Variants in ZNF274 observed in about 807,000 individuals in gnomAD.
The protein encoded by ZNF274 is zinc finger protein 274.
In ZNF274, 23 loss-of-function variants were observed where a neutral mutation model predicts 42.5. The ratio of observed to expected loss-of-function variants is 0.54; its 90% CI spans 0.39 to 0.77. The LOEUF (loss-of-function observed/expected upper bound fraction) is 0.77, where lower values mean the gene tolerates loss of function less well. Ranked by LOEUF, ZNF274 falls within the 30% of genes least tolerant of loss-of-function variation. The probability of loss-of-function intolerance (pLI) is 0.00; values close to 1 mark genes in which losing one functional copy is unlikely to be tolerated. For synonymous variants in ZNF274, 292 were observed against 305.4 expected (o/e 0.96, Z 0.46); for missense variants, 679 against 806.5 (o/e 0.84, Z 1.91).
intron 4 of ZNF274, among the ~76,000 whole-genome samples, chr19:58,193,445 C>A (rs1600138993): frequency 2.1e-5 from 1 of 47,784 alleles, no homozygotes; most frequent in Admixed American, 3.1e-4. Flanking sequence ...CGCGCCTGGC[C>A]TTTTTTTTTT....
intron 4 of ZNF274, among the ~76,000 whole-genome samples, chr19:58,203,093 G>A (rs577095051): frequency 2.0e-5 from 3 of 152,120 alleles, no homozygotes; most frequent in African/African-American, 4.8e-5. Context: ...ATGAAGTAAC[G>A]TTTAAGATGT....
intron 4 of ZNF274, among the ~76,000 whole-genome samples, chr19:58,197,625 A>C (rs1340269798): frequency 6.6e-6 from 1 of 152,236 alleles, no homozygotes; most frequent in African/African-American, 2.4e-5. Context: ...AGATGTCTGA[A>C]GAAGTTGCAG....
intron 4 of ZNF274, among the ~76,000 whole-genome samples, chr19:58,194,308 C>T (rs1320052219): frequency 6.8e-6 from 1 of 147,544 alleles, no homozygotes; most frequent in Non-Finnish European, 1.5e-5. Flanking sequence ...AAGACCTAGA[C>T]TTTGCTGAGG....
At position 58,206,726 on chromosome 19, in the gene ZNF274, C is replaced by G. The variant is rs776959831; in HGVS notation, c.263C>G (p.Pro88Arg). ...CTCTGCTTTTGACTTACAGAGTATC[C>G]TGAGCTCCAGCTGGACCCTAAATTG... ...GIPQDTIPEY[P>R]ELQLDPKLDP... The change falls in exon 5 of 8, where the codon CCT (proline) becomes CGT (arginine). Residue 88 changes from proline to arginine, a missense_variant. Around this residue, in one of 2 missense-constraint regions of ZNF274, gnomAD observed 223 missense variants for 216.4 expected, o/e 1.03. Transcript: ENST00000617501. 1.1e-5 allele frequency: 18 copies of G among 1,575,368 alleles called. No individual in the cohort carries two copies.
intron 2 of ZNF274, 141 bp from the exon 3 acceptor site, chr19:58,185,571 A>G: frequency 1.2e-6 from 1 of 850,132 alleles, no homozygotes; most frequent in Non-Finnish European, 1.7e-6. Context: ...CAAAGACAGG[A>G]ACTCAGGATG....
intron 5 of ZNF274, 62 bp from the exon 6 acceptor site, chr19:58,209,899 C>T: frequency 7.8e-7 from 1 of 1,286,628 alleles, no homozygotes; most frequent in Non-Finnish European, 1.1e-6. Context: ...AGAGAGGCCA[C>T]CCTTGCCCTG....
At chr19:58,187,161 T>C (rs2075710148) in intron 4 of ZNF274, 119 bp downstream of exon 4, 2 of 816,966 alleles carry the variant, frequency 2.4e-6, no homozygotes, top group South Asian at 1.7e-5. Context: ...TGATGAGCAG[T>C]TGCAGAACCA....
intron 4 of ZNF274, among the ~76,000 whole-genome samples, chr19:58,187,575 C>G (rs1402431839): frequency 6.6e-6 from 1 of 151,938 alleles, no homozygotes; most frequent in Non-Finnish European, 1.5e-5. Context: ...GCATGTACCA[C>G]CATGCCCGTT....
Position 58,197,334 on chromosome 19 carries a change from C to T in ZNF274, c.257-9386C>T, listed in dbSNP as rs893461638. On this transcript the variant is annotated intron_variant, in intron 4 of 7. Transcript: ENST00000617501. ...TTAACTCTCACCTTATGTGACAGAA[C>T]GAAAAAAATATACACTGAAAAGAAC... Among the ~76,000 whole-genome samples the T allele has an allele frequency of 4.0e-5, 6 of 151,880 alleles. No individual in the cohort carries two copies. In the East Asian group the frequency reaches 7.7e-4, roughly 20 times the overall value.
At position 58,212,026 on chromosome 19, in the gene ZNF274, C is replaced by A; in HGVS notation, c.980-135C>A. On this transcript the variant is annotated intron_variant, in intron 7 of 7. Transcript: ENST00000617501. This position sits in a 1 kb window ranked among gnomAD's most constrained non-coding sequence, Gnocchi z 4.6. Reference sequence around the variant, plus strand: ...CTGCCGCTTCATTGCTTTTCAGTCTCTCTCCAGGTTGCATGACTCTATTTG... The same window carrying A: ...CTGCCGCTTCATTGCTTTTCAGTCTATCTCCAGGTTGCATGACTCTATTTG... The A allele has an allele frequency of 9.3e-7, 1 of 1,075,552 alleles. No individual in the cohort carries two copies. Among genetic ancestry groups the A allele is most frequent in the South Asian group, 1.6e-5 (1 of 61,364 alleles). The allele number at this position is 1,075,552 out of a possible 1,614,324, so 66.6% of individuals were successfully genotyped here.
At chr19:58,185,233 G>A (rs1253587952) in intron 2 of ZNF274, among the ~76,000 whole-genome samples, 1 of 150,198 alleles carries the variant, frequency 6.7e-6, no homozygotes, top group Non-Finnish European at 1.5e-5. Flanking sequence ...AGACCAGCTT[G>A]ACCAACATGG....
chr19:58,209,816 GA>G, intron 5 of ZNF274, 144 bp from the exon 6 acceptor site: 1 of 589,262 alleles, frequency 1.7e-6, no homozygotes, highest in Admixed American at 2.9e-5. Context: ...GAGCTGGTGG[GA>G]AGGGAGGACA....
At position 58,206,710 on chromosome 19, in the gene ZNF274, T is replaced by C. The variant is rs1486490765; in HGVS notation, c.257-10T>C. On this transcript the variant is annotated splice_polypyrimidine_tract_variant and intron_variant, in intron 4 of 7. Transcript: ENST00000617501. Reference sequence around the variant, plus strand: ...GTTCTCATTTGTCTTGCTCTGCTTTTGACTTACAGAGTATCCTGAGCTCCA... The same window carrying C: ...GTTCTCATTTGTCTTGCTCTGCTTTCGACTTACAGAGTATCCTGAGCTCCA... The C allele has an allele frequency of 1.3e-6, 2 of 1,552,432 alleles. No homozygotes were observed. The highest frequency in any genetic ancestry group is 4.0e-5 in the Admixed American group (2 of 50,080).
chr19:58,201,514 CTT>C (rs11418348), intron 4 of ZNF274, among the ~76,000 whole-genome samples: 38 of 143,852 alleles, frequency 2.6e-4, no homozygotes, highest in Non-Finnish European at 2.6e-4. Context: ...GCATGAATTT[CTT>C]TTTTTTTTTT....
chr19:58,190,459 G>T (rs2075766912), intron 4 of ZNF274, among the ~76,000 whole-genome samples: 1 of 152,154 alleles, frequency 6.6e-6, no homozygotes, highest in African/African-American at 2.4e-5. Flanking sequence ...GTTTTGATGA[G>T]CTTAATGCTA....
At chr19:58,198,467 T>TAG (rs2075869554) in intron 4 of ZNF274, among the ~76,000 whole-genome samples, 1 of 74,714 alleles carries the variant, frequency 1.3e-5, no homozygotes, top group African/African-American at 6.4e-5. Flanking sequence ...ATTGGAACAG[T>TAG]ACAGAAGATG....
Position 58,208,927 on chromosome 19 carries a change from G to C in ZNF274, c.740-1034G>C, listed in dbSNP as rs562765912. On this transcript the variant is annotated intron_variant, in intron 5 of 7. Coordinates refer to ENST00000617501, the MANE Select transcript of ZNF274 (RefSeq NM_133502.3). This position sits in a 1 kb window ranked among gnomAD's most constrained non-coding sequence, Gnocchi z 4.5. ...AAATTAGTGCCACAGAAGACAATGG[G>C]AAGAGGCTTTCCAGAGAACCCTGAG... The C allele has an allele frequency of 6.6e-6, 1 of 152,354 alleles. No homozygotes were observed. Among genetic ancestry groups the C allele is most frequent in the East Asian group, 1.9e-4 (1 of 5,186 alleles). 9.4% of individuals were successfully genotyped at this position (152,354 alleles called of 1,614,324 possible).
chr19:58,186,766 T>C (rs1258865491), intron 3 of ZNF274, among the ~76,000 whole-genome samples, 181 bp from the exon 4 acceptor site: 1 of 146,856 alleles, frequency 6.8e-6, no homozygotes, highest in Non-Finnish European at 1.5e-5. Flanking sequence ...ACCCCTTAGC[T>C]GCTTGGCAAA....
chr19:58,197,890 C>T (rs1448623167), intron 4 of ZNF274, among the ~76,000 whole-genome samples: 4 of 152,196 alleles, frequency 2.6e-5, no homozygotes, highest in Non-Finnish European at 5.9e-5. Flanking sequence ...TCTCTGCCAC[C>T]TCCCACATAT....
Sources: gnomAD v4.1 joint callset for allele counts (sites outside exome capture counted in the v4.1 genomes callset) on GRCh38, gnomAD v4.1.1 for gene constraint, gnomAD v4.1.1 regional missense constraint, Gnocchi (gnomAD v3.1) non-coding constraint, MANE v1.5 for transcripts, NCBI Gene and HGNC (gene_info 2026-07-23, HGNC 2026-07-21) for gene names.